The following ARFGAP3 variants were observed in gnomAD, a reference collection of about 807,000 sequenced individuals.
ARFGAP3 encodes the protein ARF GTPase activating protein 3, also known as ADP-ribosylation factor GTPase-activating protein 3.
A neutral mutation model predicts 75.0 loss-of-function variants in ARFGAP3; 72 were observed. The observed-to-expected ratio is 0.96, with a 90% confidence interval of 0.79 to 1.17. The LOEUF (loss-of-function observed/expected upper bound fraction) is 1.17. ARFGAP3 is among the 50% of genes most tolerant of loss of function. ARFGAP3 has a pLI of 0.00. For missense variants in ARFGAP3, 620 were observed against 626.6 expected (o/e 0.99, Z 0.11); for synonymous variants, 221 against 217.9 (o/e 1.01, Z -0.13).
At chr22:42,848,184 A>G (rs1927107840) in intron 1 of ARFGAP3, among the ~76,000 whole-genome samples, 1 of 151,634 alleles carries the variant, frequency 6.6e-6, no homozygotes, top group Non-Finnish European at 1.5e-5. Context: ...TTTATACAGT[A>G]TATTACAGAT....
chr22:42,797,577 T>C lies in ARFGAP3; in HGVS notation c.*11A>G, dbSNP rs746483722. 25 of 1,614,066 alleles carry C rather than the reference T, an allele frequency of 1.5e-5. No homozygotes were observed. The East Asian group carries it at 4.9e-4, about 32-fold the overall frequency. The stretch of plus-strand genomic sequence containing the variant: ...GAATTTCTCCAGGAAATACACATCA[T>C]GACTTCAGTATTAAGAACCGTAGCG... On this transcript the variant is annotated 3_prime_UTR_variant, in exon 16 of 16. Transcript: ENST00000263245.
At chr22:42,840,715 C>T (rs972911060) in intron 3 of ARFGAP3, among the ~76,000 whole-genome samples, 2 of 152,094 alleles carry the variant, frequency 1.3e-5, no homozygotes, top group Non-Finnish European at 2.9e-5. Context: ...AGGCGTGAGA[C>T]ACCACACCTG....
intron 8 of ARFGAP3, 33 bp from the exon 9 acceptor site, chr22:42,822,442 G>A: frequency 7.5e-6 from 12 of 1,602,256 alleles, no homozygotes; most frequent in Non-Finnish European, 1.0e-5. Flanking sequence ...GTCTACACGA[G>A]CTGTTTGAAA....
In ARFGAP3 at chr22:42,817,129, T is replaced by G; in HGVS notation, c.1064+13A>C. The G allele has an allele frequency of 6.4e-7, 1 of 1,562,592 alleles. No homozygotes were observed. The highest frequency in any genetic ancestry group is 1.1e-5 in the South Asian group (1 of 89,816). Reference sequence around the variant, plus strand: ...TCAAAATGACACTTCAACGATGATTTGTAATACAGTACCTTGAGCTGGAAG... The same window carrying G: ...TCAAAATGACACTTCAACGATGATTGGTAATACAGTACCTTGAGCTGGAAG... On this transcript the variant is annotated intron_variant, in intron 11 of 15. Transcript: ENST00000263245.
At chr22:42,832,639 C>T (rs1926347199) in intron 5 of ARFGAP3, among the ~76,000 whole-genome samples, 2 of 152,046 alleles carry the variant, frequency 1.3e-5, no homozygotes, top group Admixed American at 1.3e-4. Context: ...GCTAGAGTAG[C>T]TGGCAGAACA....
rs892866570 is a variant in ARFGAP3 at position 42,835,543 on chromosome 22, C to T, written c.262-50G>A. 4 of 1,599,810 alleles carry T rather than the reference C, an allele frequency of 2.5e-6. No homozygotes were observed. The African/African-American group carries it at 5.4e-5, about 21-fold the overall frequency. On this transcript the variant is annotated intron_variant, in intron 3 of 15. Coordinates refer to ENST00000263245, the MANE Select transcript of ARFGAP3 (RefSeq NM_014570.5). ...ATATTTTCGTAAAACTACGTATGGC[C>T]AGGCGCAGTGGCTCATGCCTGTAAT...
At chr22:42,840,317 A>G (rs1926723184) in intron 3 of ARFGAP3, among the ~76,000 whole-genome samples, 1 of 152,194 alleles carries the variant, frequency 6.6e-6, no homozygotes, top group Non-Finnish European at 1.5e-5. Context: ...AGATTTTTGA[A>G]TAAACAAGTC....
intron 2 of ARFGAP3, among the ~76,000 whole-genome samples, chr22:42,845,062 G>C (rs886986399): frequency 1.8e-4 from 28 of 152,130 alleles, no homozygotes; most frequent in African/African-American, 5.6e-4. Context: ...ATTCTTTAGC[G>C]ATGAGGAAGA....
At chr22:42,839,651 T>A (rs1019572572) in intron 3 of ARFGAP3, among the ~76,000 whole-genome samples, 1 of 150,390 alleles carries the variant, frequency 6.6e-6, no homozygotes, top group Non-Finnish European at 1.5e-5. Context: ...AGAAGTTAAA[T>A]ATTAATTTAA....
At chr22:42,799,282 G>T (rs950293981) in intron 14 of ARFGAP3, 122 bp from the exon 15 acceptor site, 330 of 1,510,210 alleles carry the variant, frequency 2.2e-4, no homozygotes, top group Non-Finnish European at 2.8e-4. Flanking sequence ...TGCCTCACAA[G>T]GGGCCCAACA....
intron 1 of ARFGAP3, 77 bp downstream of exon 1, chr22:42,857,037 G>A: frequency 7.1e-7 from 1 of 1,415,866 alleles, no homozygotes; most frequent in Non-Finnish European, 9.3e-7. Flanking sequence ...CCAAGCCACG[G>A]GCACTGGCGC....
intron 1 of ARFGAP3, among the ~76,000 whole-genome samples, chr22:42,856,430 C>A (rs1478740080): frequency 6.6e-6 from 1 of 152,110 alleles, no homozygotes; most frequent in Non-Finnish European, 1.5e-5. Flanking sequence ...TAGCCCCCTG[C>A]GTCACCCCAA....
intron 1 of ARFGAP3, among the ~76,000 whole-genome samples, chr22:42,851,677 T>C (rs913183880): frequency 1.3e-5 from 2 of 152,232 alleles, no homozygotes; most frequent in African/African-American, 2.4e-5. Context: ...GGCTATGCTT[T>C]GGAAGCAGGG....
chr22:42,853,903 T>C (rs1569179259), intron 1 of ARFGAP3: 1 of 159,626 alleles, frequency 6.3e-6, no homozygotes. Flanking sequence ...GCAGAGAGCA[T>C]GAGGAGCCCT....
intron 14 of ARFGAP3, among the ~76,000 whole-genome samples, chr22:42,800,146 TCA>T (rs1924790993): frequency 1.3e-5 from 2 of 151,994 alleles, no homozygotes; most frequent in African/African-American, 4.8e-5. Flanking sequence ...CTGGAGGGGC[TCA>T]GTGAGCTCAA....
intron 13 of ARFGAP3, among the ~76,000 whole-genome samples, chr22:42,808,324 G>A (rs1349798784): frequency 6.6e-6 from 1 of 151,758 alleles, no homozygotes; most frequent in African/African-American, 2.4e-5. Flanking sequence ...CTTAAACTTG[G>A]GAGGCGGAGG....
At chr22:42,804,222 T>C (rs1323449903) in intron 14 of ARFGAP3, among the ~76,000 whole-genome samples, 1 of 151,556 alleles carries the variant, frequency 6.6e-6, no homozygotes, top group African/African-American at 2.4e-5. Flanking sequence ...TTCCTTTTCT[T>C]TTTTTTGAAA....
intron 1 of ARFGAP3, among the ~76,000 whole-genome samples, chr22:42,850,779 G>A (rs9611936): frequency 0.029 from 4,363 of 152,192 alleles, 83 homozygotes; most frequent in African/African-American, 0.04. Flanking sequence ...AATAATCGGG[G>A]TGGAGTGACA....
At position 42,819,044 on chromosome 22, in the gene ARFGAP3, C is replaced by T. The variant is rs888567111; in HGVS notation, c.813-1187G>A. ...GCCAGGCTGGTCTCGAACTCCTGAC[C>T]TCAGGCGATCTGCCTGCCTCTGCCT... is the stretch of plus-strand genomic sequence containing the variant. On this transcript the variant is annotated intron_variant, in intron 9 of 15. Transcript: ENST00000263245. Among the ~76,000 whole-genome samples the T allele has an allele frequency of 4.4e-4, 67 of 151,872 alleles. 1 individual carries two copies. The highest frequency in any genetic ancestry group is 3.3e-4 in the Admixed American group (5 of 15,246).
Sources: gnomAD v4.1 joint callset for allele counts (sites outside exome capture counted in the v4.1 genomes callset) on GRCh38, gnomAD v4.1.1 for gene constraint, MANE v1.5 for transcripts, NCBI Gene and HGNC (gene_info 2026-07-23, HGNC 2026-07-21) for gene names.